PNPLA7: variants seen among roughly 807,000 people sequenced by gnomAD.
PNPLA7 encodes the protein patatin like domain 7, lysophospholipase, also known as patatin-like phospholipase domain-containing protein 7.
A neutral mutation model predicts 161.7 loss-of-function variants in PNPLA7; 153 were observed. That is an observed-to-expected ratio of 0.95 (90% CI 0.83 to 1.08). The LOEUF (loss-of-function observed/expected upper bound fraction) is 1.08. Ranked by LOEUF, PNPLA7 falls within the 50% of genes least tolerant of loss-of-function variation. The probability of loss-of-function intolerance (pLI) is 0.00; values close to 1 mark genes in which losing one functional copy is unlikely to be tolerated. For synonymous variants in PNPLA7, 809 were observed against 782.1 expected, an observed-to-expected ratio of 1.03 and a Z score of -0.57; for missense variants, 1,739 against 1,856.6, an observed-to-expected ratio of 0.94 and a Z score of 1.16.
chr9:137,480,218 T>G, intron 23 of PNPLA7, 94 bp downstream of exon 23: 33 of 1,458,204 alleles, frequency 2.3e-5, no homozygotes, highest in Non-Finnish European at 2.9e-5. Context: ...TGTCTTTTTC[T>G]GAGTTTGTGC....
chr9:137,482,100 C>G (rs1832250100), intron 21 of PNPLA7, among the ~76,000 whole-genome samples: 1 of 152,206 alleles, frequency 6.6e-6, no homozygotes, highest in Non-Finnish European at 1.5e-5. Flanking sequence ...AATGCTGGTG[C>G]GATGTGCAGC....
At chr9:137,531,002 C>A (rs113246912) in intron 8 of PNPLA7, among the ~76,000 whole-genome samples, 1 of 152,218 alleles carries the variant, frequency 6.6e-6, no homozygotes, top group African/African-American at 2.4e-5. Flanking sequence ...CAGCTCTTGG[C>A]ACATGCTAAT....
At chr9:137,516,293 C>T (rs1834565334) in intron 11 of PNPLA7, 1 of 982,256 alleles carries the variant, frequency 1.0e-6, no homozygotes, top group Non-Finnish European at 1.2e-6. Flanking sequence ...CGCAGGGCTG[C>T]ATCTGCCCCT....
intron 11 of PNPLA7, among the ~76,000 whole-genome samples, chr9:137,515,804 TC>T (rs1224994600): frequency 5.9e-5 from 2 of 34,126 alleles, no homozygotes; most frequent in East Asian, 1.1e-3. Flanking sequence ...TTCCCCCAAA[TC>T]CCCCCTCCCC....
chr9:137,501,140 C>T (rs1306362911), intron 15 of PNPLA7, among the ~76,000 whole-genome samples: 3 of 152,216 alleles, frequency 2.0e-5, no homozygotes, highest in Admixed American at 6.5e-5. Context: ...CTCGGACCTG[C>T]ACACCTTCCC....
At chr9:137,502,772 A>T (rs919527489) in intron 14 of PNPLA7, among the ~76,000 whole-genome samples, 1 of 94,558 alleles carries the variant, frequency 1.1e-5, no homozygotes, top group Non-Finnish European at 2.0e-5. Flanking sequence ...GGTGACATGG[A>T]CGAGGCCGCT....
chr9:137,530,067 C>G (rs933487722), intron 8 of PNPLA7, among the ~76,000 whole-genome samples: 1 of 151,992 alleles, frequency 6.6e-6, no homozygotes, highest in African/African-American at 2.4e-5. Flanking sequence ...CGGGTTCAAG[C>G]GATTCTCCGG....
intron 18 of PNPLA7, 96 bp downstream of exon 18, chr9:137,497,091 C>T: frequency 2.3e-6 from 3 of 1,311,096 alleles, no homozygotes; most frequent in South Asian, 2.1e-5. Flanking sequence ...GGCTTTTGCT[C>T]CCAAGTAACT....
At chr9:137,502,676 CGGGAGATGA>C (rs1833514647) in intron 14 of PNPLA7, among the ~76,000 whole-genome samples, 2 of 2,610 alleles carry the variant, frequency 7.7e-4, no homozygotes, top group Non-Finnish European at 1.3e-3. Flanking sequence ...TCAGAGCCTT[CGGGAGATGA>C]GGGGGACGGG....
At chr9:137,545,684 A>T (rs147592815) in intron 4 of PNPLA7, among the ~76,000 whole-genome samples, 16 of 152,058 alleles carry the variant, frequency 1.1e-4, no homozygotes, top group Non-Finnish European at 2.1e-4. Flanking sequence ...AATAATCCTC[A>T]CTCTATAATC....
chr9:137,505,859 G>A (rs534449733), intron 13 of PNPLA7, 99 bp from the exon 14 acceptor site: 84 of 1,543,772 alleles, frequency 5.4e-5, no homozygotes, highest in East Asian at 2.7e-4. Context: ...CGGAAAGGCC[G>A]GCTGAGCCTC....
intron 17 of PNPLA7, among the ~76,000 whole-genome samples, chr9:137,497,819 G>A (rs547859200): frequency 1.3e-5 from 2 of 152,360 alleles, no homozygotes; most frequent in Admixed American, 6.5e-5. Flanking sequence ...GAGCCACCAC[G>A]CCCAGCTAAT....
At chr9:137,508,099 G>A (rs908539129) in intron 12 of PNPLA7, among the ~76,000 whole-genome samples, 4 of 151,852 alleles carry the variant, frequency 2.6e-5, no homozygotes, top group Non-Finnish European at 5.9e-5. Context: ...AGGCTGAGGC[G>A]GGTGGATCAC....
At chr9:137,542,888 C>A (rs890896269) in intron 6 of PNPLA7, 87 bp from the exon 7 acceptor site, 14 of 1,434,950 alleles carry the variant, frequency 9.8e-6, no homozygotes, top group South Asian at 7.9e-5. Context: ...CGGTCACTGA[C>A]CCCACTGGCG....
chr9:137,517,599 C>T (rs1246330408), intron 11 of PNPLA7, among the ~76,000 whole-genome samples: 1 of 87,274 alleles, frequency 1.1e-5, no homozygotes, highest in African/African-American at 4.2e-5. Context: ...TCCACTCTGT[C>T]CACTCCATCC....
chr9:137,469,406 G>A (rs1345288544), intron 25 of PNPLA7, among the ~76,000 whole-genome samples: 2 of 152,176 alleles, frequency 1.3e-5, no homozygotes, highest in African/African-American at 4.8e-5. Flanking sequence ...AGACAGTGTG[G>A]CATGTTCTAC....
In PNPLA7 at chr9:137,520,647, G is replaced by C. The variant is rs1834935199; in HGVS notation, c.958-604C>G. 6.6e-6 allele frequency among the ~76,000 whole-genome samples: 1 copy of C among 152,206 alleles called. No homozygotes were observed. Among genetic ancestry groups the C allele is most frequent in the Admixed American group, 6.5e-5 (1 of 15,278 alleles). On this transcript the variant is annotated intron_variant, in intron 10 of 34. Transcript: ENST00000406427. This position sits in a 1 kb window ranked among gnomAD's most constrained non-coding sequence, Gnocchi z 5.2. ...TATCAGGCTACTGTTTTGGGCAGTG[G>C]GGATGGAGCAGGGCACGAAACCCTG... is the stretch of plus-strand genomic sequence containing the variant.
Position 137,540,776 on chromosome 9 carries a change from G to C in PNPLA7, c.667-54C>G, listed in dbSNP as rs755377692. The C allele has an allele frequency of 3.8e-5, 58 of 1,518,704 alleles. No homozygotes were observed. The highest frequency in any genetic ancestry group is 5.0e-5 in the Non-Finnish European group (56 of 1,116,502). 94.1% of individuals were successfully genotyped at this position (1,518,704 alleles called of 1,614,324 possible). A position where few individuals can be genotyped will look rare whatever the true frequency, so the allele number is the denominator to read the frequency against. On this transcript the variant is annotated intron_variant, in intron 7 of 34. Transcript: ENST00000406427. The surrounding 1 kb of genome is among the most constrained non-coding windows in gnomAD (Gnocchi z 5.1). ...TCAGGTCTGGGGCTGCGACCGCGGG[G>C]CCTGGCGGAGGCTCAGCCCAGCCCA...
At chr9:137,533,452 G>A (rs1588696333) in intron 8 of PNPLA7, among the ~76,000 whole-genome samples, 1 of 135,818 alleles carries the variant, frequency 7.4e-6, no homozygotes, top group African/African-American at 2.8e-5. Context: ...CAGGCGGGAG[G>A]ACTCCCAGAA....
Sources: allele counts gnomAD v4.1 joint callset (sites outside exome capture counted in the v4.1 genomes callset), GRCh38; gene constraint gnomAD v4.1.1; non-coding constraint Gnocchi (gnomAD v3.1); transcripts MANE v1.5; gene names NCBI Gene and HGNC (gene_info 2026-07-23, HGNC 2026-07-21).